The following RBFOX1 variants were observed in gnomAD, a reference collection of about 807,000 sequenced individuals.
The protein encoded by RBFOX1 is RNA binding fox-1 homolog 1, also known as RNA binding protein fox-1 homolog 1.
A neutral mutation model predicts 57.7 loss-of-function variants in RBFOX1; 8 were observed. The ratio of observed to expected loss-of-function variants is 0.14; its 90% confidence interval spans 0.08 to 0.25. RBFOX1 has a LOEUF of 0.25. Ranked by LOEUF, RBFOX1 falls within the 10% of genes least tolerant of loss-of-function variation. The pLI is 1.00. For synonymous variants in RBFOX1, 326 were observed against 222.4 expected, an observed-to-expected ratio of 1.47 and a Z score of -4.15; for missense variants, 611 against 548.5, an observed-to-expected ratio of 1.11 and a Z score of -1.14.
At chr16:5,609,235 A>G (rs7193855) in intron 3 of RBFOX1, among the ~76,000 whole-genome samples, 32,851 of 152,116 alleles carry the variant, frequency 0.22, 4,557 homozygotes, top group East Asian at 0.5. Context: ...TAAGTTATGT[A>G]TTCATTACCC....
intron 1 of RBFOX1, among the ~76,000 whole-genome samples, chr16:6,138,945 G>C (rs1472603146): frequency 6.6e-6 from 1 of 152,154 alleles, no homozygotes; most frequent in African/African-American, 2.4e-5. Flanking sequence ...TACAGGACTT[G>C]CCCACACTGA....
At chr16:5,257,771 T>A (rs963003378) in intron 1 of RBFOX1, among the ~76,000 whole-genome samples, 1 of 152,162 alleles carries the variant, frequency 6.6e-6, no homozygotes, top group Admixed American at 6.5e-5. Context: ...ATTCCTTGTG[T>A]GTTGTACTTT....
chr16:7,468,219 C>T (rs1439979722), intron 4 of RBFOX1, among the ~76,000 whole-genome samples: 3 of 152,214 alleles, frequency 2.0e-5, no homozygotes, highest in African/African-American at 4.8e-5. Context: ...AGACAATGAG[C>T]AAGCTCCTTT....
chr16:5,424,227 T>C (rs376708900), intron 1 of RBFOX1, among the ~76,000 whole-genome samples: 31 of 152,354 alleles, frequency 2.0e-4, no homozygotes, highest in African/African-American at 6.0e-4. Flanking sequence ...ACAGTGAACA[T>C]CTGCTGAATT....
At chr16:6,900,451 T>C (rs2068180333) in intron 3 of RBFOX1, among the ~76,000 whole-genome samples, 2 of 152,198 alleles carry the variant, frequency 1.3e-5, no homozygotes, top group African/African-American at 2.4e-5. Context: ...CTTAAAACTG[T>C]TTATTGATTT....
chr16:7,655,401 G>A lies in RBFOX1; in HGVS notation c.890+1454G>A, dbSNP rs576859280. Among the ~76,000 whole-genome samples the A allele has an allele frequency of 1.1e-4, 17 of 152,238 alleles. No individual in the cohort carries two copies. The South Asian group carries it at 3.3e-3, about 30-fold the overall frequency. ...ATACACATATTTTAACTGAAAAGACGGTGGATAGTAACAAACCAAGAATGA... is the reference window on the plus strand; with the variant it reads ...ATACACATATTTTAACTGAAAAGACAGTGGATAGTAACAAACCAAGAATGA... On this transcript the variant is annotated intron_variant, in intron 12 of 15. Coordinates refer to ENST00000550418, the MANE Select transcript of RBFOX1 (RefSeq NM_018723.4).
chr16:5,593,337 G>T (rs2047071988), intron 2 of RBFOX1, among the ~76,000 whole-genome samples: 1 of 150,992 alleles, frequency 6.6e-6, no homozygotes, highest in Non-Finnish European at 1.5e-5. Context: ...ACCGGGGCCT[G>T]TCAGAGGGTG....
At chr16:6,699,976 TG>T (rs2061584279) in intron 3 of RBFOX1, among the ~76,000 whole-genome samples, 1 of 152,200 alleles carries the variant, frequency 6.6e-6, no homozygotes, top group African/African-American at 2.4e-5. Context: ...CCCTGGTATG[TG>T]GATGAGCTAG....
At chr16:6,924,025 T>G (rs972474555) in intron 3 of RBFOX1, among the ~76,000 whole-genome samples, 43 of 151,614 alleles carry the variant, frequency 2.8e-4, no homozygotes, top group Admixed American at 7.2e-4. Context: ...CAAACATTAG[T>G]CAGGTATGGT....
intron 2 of RBFOX1, among the ~76,000 whole-genome samples, chr16:6,616,851 A>T (rs962180358): frequency 6.6e-6 from 1 of 152,216 alleles, no homozygotes; most frequent in Non-Finnish European, 1.5e-5. Flanking sequence ...ACTAGAGACT[A>T]TGGGCCACCT....
intron 1 of RBFOX1, among the ~76,000 whole-genome samples, chr16:6,052,719 G>A (rs1286254309): frequency 6.6e-6 from 1 of 151,710 alleles, no homozygotes; most frequent in Non-Finnish European, 1.5e-5. Context: ...GGGAGGCGGA[G>A]CTTGCAGTGA....
At chr16:6,629,544 G>C (rs1216059402) in intron 2 of RBFOX1, among the ~76,000 whole-genome samples, 1 of 152,156 alleles carries the variant, frequency 6.6e-6, no homozygotes, top group Non-Finnish European at 1.5e-5. Context: ...GAAACGTGTA[G>C]ATAAAAATCA....
intron 2 of RBFOX1, among the ~76,000 whole-genome samples, chr16:6,578,598 C>A (rs4786106): frequency 9.0e-6 from 1 of 110,748 alleles, no homozygotes. Flanking sequence ...GGTGTGTGTG[C>A]GTGTGTGTGT....
chr16:6,440,434 G>A (rs2094352202), intron 2 of RBFOX1, among the ~76,000 whole-genome samples: 1 of 152,144 alleles, frequency 6.6e-6, no homozygotes, highest in African/African-American at 2.4e-5. Flanking sequence ...CCTGCCAGGA[G>A]GTGGTTTCTG....
chr16:5,692,705 C>G (rs572928950), intron 3 of RBFOX1, among the ~76,000 whole-genome samples: 4 of 152,070 alleles, frequency 2.6e-5, no homozygotes, highest in African/African-American at 7.2e-5. Context: ...TCTAGTAGTT[C>G]TTTGTGTACT....
chr16:6,274,994 A>G (rs1021755452), intron 1 of RBFOX1, among the ~76,000 whole-genome samples: 1 of 152,192 alleles, frequency 6.6e-6, no homozygotes, highest in Non-Finnish European at 1.5e-5. Context: ...TAGCTGAGAT[A>G]TGTCGCTCTT....
At chr16:6,472,679 A>G (rs928988000) in intron 2 of RBFOX1, among the ~76,000 whole-genome samples, 8 of 149,464 alleles carry the variant, frequency 5.4e-5, no homozygotes, top group African/African-American at 1.7e-4. Flanking sequence ...GCTGGAGTGC[A>G]GTGGCGCAAT....
intron 4 of RBFOX1, among the ~76,000 whole-genome samples, chr16:7,506,888 G>A (rs1447293038): frequency 6.6e-6 from 1 of 152,194 alleles, no homozygotes; most frequent in Non-Finnish European, 1.5e-5. Context: ...GGGTTCTCCA[G>A]AGGAAGAACT....
intron 3 of RBFOX1, among the ~76,000 whole-genome samples, chr16:5,782,783 G>C (rs1424227305): frequency 2.0e-5 from 3 of 152,192 alleles, no homozygotes; most frequent in African/African-American, 4.8e-5. Flanking sequence ...GTATAATTCA[G>C]CCTAAGTCAA....
Sources: allele counts gnomAD v4.1 joint callset (sites outside exome capture counted in the v4.1 genomes callset), GRCh38; gene constraint gnomAD v4.1.1; transcripts MANE v1.5; gene names NCBI Gene and HGNC (gene_info 2026-07-23, HGNC 2026-07-21).